Variants in NR1D1 observed in about 807,000 individuals in gnomAD.
The protein encoded by NR1D1 is Rev-ErbAalpha.
NR1D1 carries 17 observed loss-of-function variants against 51.1 expected under a neutral mutation model. The observed-to-expected ratio is 0.33, with a 90% CI of 0.23 to 0.50. NR1D1 has a LOEUF of 0.50. Among genes scored for constraint, NR1D1 ranks in the 20% least tolerant of loss-of-function variants. The pLI is 0.98. For missense variants in NR1D1, 647 were observed against 830.4 expected (o/e 0.78, Z 2.71); for synonymous variants, 341 against 333.4 (o/e 1.02, Z -0.25).
chr17:40,099,449 C>A (rs1297751110), intron 1 of NR1D1, among the ~76,000 whole-genome samples: 1 of 152,014 alleles, frequency 6.6e-6, no homozygotes, highest in African/African-American at 2.4e-5. Flanking sequence ...CACGTGGGCC[C>A]GGCTCTAGAG....
At position 40,094,059 on chromosome 17, in the gene NR1D1, G is replaced by A. The variant is rs775320929; in HGVS notation, c.1498C>T (p.Arg500Cys). 7 of 1,613,858 alleles carry A rather than the reference G, an allele frequency of 4.3e-6. No individual in the cohort carries two copies. Among genetic ancestry groups the A allele is most frequent in the African/African-American group, 2.7e-5 (2 of 74,898 alleles). Reference protein sequence around the residue: ...VKDQTVMFLSRTTYSLQELGA... With the variant: ...VKDQTVMFLSCTTYSLQELGA... The stretch of plus-strand genomic sequence containing the variant: ...AGCTCCTGCAGGCTGTAGGTGGTGC[G>A]GCTTAGGAACATCACTGTCTGGTCC... Residue 500 changes from arginine (R) to cysteine (C), a missense_variant, in exon 7 of 8, where the codon CGC becomes TGC. Arg to Cys is a radical substitution (Grantham distance 180). Coordinates refer to ENST00000246672, the MANE Select transcript of NR1D1 (RefSeq NM_021724.5).
chr17:40,100,472 A>G lies in NR1D1; in HGVS notation c.-378T>C. 1 of 457,536 alleles carries G rather than the reference A, an allele frequency of 2.2e-6. No homozygotes were observed. The highest frequency in any genetic ancestry group is 2.0e-5 in the African/African-American group (1 of 50,470). The allele number at this position is 457,536 out of a possible 1,614,324, so 28.3% of individuals were successfully genotyped here. A position where few individuals can be genotyped will look rare whatever the true frequency, so the allele number is the denominator to read the frequency against. ...CTGGAGCTCCCGGTGCAAAAGTCCCAGAGGAAGAGAGGTTGCAACCAGGAA... is the reference window on the plus strand; with the variant it reads ...CTGGAGCTCCCGGTGCAAAAGTCCCGGAGGAAGAGAGGTTGCAACCAGGAA... On this transcript the variant is annotated 5_prime_UTR_variant, in exon 1 of 8. Coordinates refer to ENST00000246672, the MANE Select transcript of NR1D1 (RefSeq NM_021724.5).
chr17:40,097,517 CA>C, intron 1 of NR1D1, 114 bp from the exon 2 acceptor site: 5 of 782,290 alleles, frequency 6.4e-6, no homozygotes, highest in Non-Finnish European at 1.1e-5. Context: ...CTCAGTTCAC[CA>C]TGTGGAGCCC....
Position 40,093,803 on chromosome 17 carries a change from T to C in NR1D1, c.1645+109A>G. On this transcript the variant is annotated intron_variant, in intron 7 of 7. Transcript: ENST00000246672. This position sits in a 1 kb window ranked among gnomAD's most constrained non-coding sequence, Gnocchi z 5.9. Reference sequence around the variant, plus strand: ...AGACTGTGTCTGAATCATGTCTGTATCCCCAGTGCCCGGTGCAGGGCCTGG... The same window carrying C: ...AGACTGTGTCTGAATCATGTCTGTACCCCCAGTGCCCGGTGCAGGGCCTGG... The C allele has an allele frequency of 2.2e-6, 2 of 929,116 alleles. No homozygotes were observed. Among genetic ancestry groups the C allele is most frequent in the East Asian group, 5.1e-5 (2 of 39,436 alleles). 57.6% of individuals were successfully genotyped at this position (929,116 alleles called of 1,614,324 possible).
chr17:40,094,841 T>G (rs1295225408), intron 6 of NR1D1, 94 bp downstream of exon 6: 1 of 1,179,854 alleles, frequency 8.5e-7, no homozygotes, highest in Non-Finnish European at 1.2e-6. Flanking sequence ...GAGGTTGCAG[T>G]GAGTGGAGAT....
chr17:40,096,674 CCCCCAGT>C lies in NR1D1; in HGVS notation c.459+10_459+16del, dbSNP rs1427215847. 20 of 1,613,986 alleles carry C rather than the reference CCCCCAGT, an allele frequency of 1.2e-5. No individual in the cohort carries two copies. Among genetic ancestry groups the C allele is most frequent in the African/African-American group, 2.7e-5 (2 of 74,934 alleles). On this transcript the variant is annotated intron_variant, in intron 3 of 7. Coordinates refer to ENST00000246672, the MANE Select transcript of NR1D1 (RefSeq NM_021724.5). The stretch of plus-strand genomic sequence containing the variant: ...AGGGGGCCACCTGCCCCTGCCCTTA[CCCCCAGT>C]CCGCCTCACCTTGCAGCCCTCGCAG...
rs1375568543 is a variant in NR1D1, at chr17:40,092,986, A to T, written c.*97T>A. ...AATATTTTATAACAATATAAATAAG[A>T]TTCTGGTTTGCTTTTCCTTTTCGTC... On this transcript the variant is annotated 3_prime_UTR_variant, in exon 8 of 8. Coordinates refer to ENST00000246672, the MANE Select transcript of NR1D1 (RefSeq NM_021724.5). 1 of 1,596,292 alleles carries T rather than the reference A, an allele frequency of 6.3e-7. No homozygotes were observed. The highest frequency in any genetic ancestry group is 8.6e-7 in the Non-Finnish European group (1 of 1,167,784).
chr17:40,098,595 G>C (rs1214608484), intron 1 of NR1D1, among the ~76,000 whole-genome samples: 1 of 152,188 alleles, frequency 6.6e-6, no homozygotes, highest in Non-Finnish European at 1.5e-5. Flanking sequence ...GCATACTCAA[G>C]AGTCTAGGTC....
Position 40,096,569 on chromosome 17 carries a change from T to A in NR1D1, c.478A>T (p.Ile160Phe). 1 of 1,614,198 alleles carries A rather than the reference T, an allele frequency of 6.2e-7. No homozygotes were observed. The highest frequency in any genetic ancestry group is 8.5e-7 in the Non-Finnish European group (1 of 1,180,016). Reference protein sequence around the residue: ...EGCKGFFRRSIQQNIQYKRCL... With the variant: ...EGCKGFFRRSFQQNIQYKRCL... ...CTTTTGTACTGGATGTTCTGCTGGA[T>A]GCTCCGACGGAAAAAGCCCTGGAGG... The change falls in exon 4 of 8, where the codon ATC becomes TTC. Residue 160 changes from isoleucine to phenylalanine, a missense_variant. By Grantham distance (21) the Ile-to-Phe change is conservative. Transcript: ENST00000246672.
At position 40,093,449 on chromosome 17, in the gene NR1D1, G is replaced by A. The variant is rs1038783288; in HGVS notation, c.1646-167C>T. The stretch of plus-strand genomic sequence containing the variant: ...ACCTTCTCCCAGGCCTCTGCCCCAA[G>A]AGCAGGAGGTGCCTGAAAGCTGGGA... On this transcript the variant is annotated intron_variant, in intron 7 of 7. Transcript: ENST00000246672. This position sits in a 1 kb window ranked among gnomAD's most constrained non-coding sequence, Gnocchi z 5.9. The A allele has an allele frequency of 1.3e-5, 19 of 1,519,480 alleles. 1 individual carries two copies. The African/African-American group carries it at 1.8e-4, about 14-fold the overall frequency. The allele number at this position is 1,519,480 out of a possible 1,614,324, so 94.1% of individuals were successfully genotyped here.
At chr17:40,098,328 T>C (rs1323668792) in intron 1 of NR1D1, among the ~76,000 whole-genome samples, 1 of 152,204 alleles carries the variant, frequency 6.6e-6, no homozygotes, top group Non-Finnish European at 1.5e-5. Context: ...CATGCCACTG[T>C]GTCTGCAGAG....
At position 40,096,017 on chromosome 17, in the gene NR1D1, G is replaced by A. The variant is rs780834142; in HGVS notation, c.675C>T (p.Asn225=). 6.2e-7 allele frequency: 1 copy of A among 1,612,764 alleles called. No individual in the cohort carries two copies. Among genetic ancestry groups the A allele is most frequent in the Non-Finnish European group, 8.5e-7 (1 of 1,180,000 alleles). ...GGCTGCTCAACTGGTTGTTGGCCAG[G>A]TTCATGGCACTCTGCATCTCAGCAA... is the stretch of plus-strand genomic sequence containing the variant. ...RMLAEMQSAM[N]LANNQLSSQC... is the part of the protein sequence containing the mutation. The change falls in exon 5 of 8, where the codon AAC becomes AAT. Residue 225 remains asparagine, a synonymous_variant. Transcript: ENST00000246672.
Position 40,100,434 on chromosome 17 carries a change from CG to C in NR1D1, c.-341del. On this transcript the variant is annotated 5_prime_UTR_variant, in exon 1 of 8. Coordinates refer to ENST00000246672, the MANE Select transcript of NR1D1 (RefSeq NM_021724.5). ...TCTGCCTGCCGGCTCCGCAGCGCTG[CG>C]GGGTGGCGAATCTGGAGCTCCCGGT... 2.2e-6 allele frequency: 1 copy of C among 461,740 alleles called. No individual in the cohort carries two copies. 28.6% of individuals were successfully genotyped at this position (461,740 alleles called of 1,614,324 possible).
At chr17:40,094,393 G>C (rs1987703477) in intron 6 of NR1D1, among the ~76,000 whole-genome samples, 1 of 152,216 alleles carries the variant, frequency 6.6e-6, no homozygotes, top group Admixed American at 6.5e-5. Context: ...GGGGGCAGCA[G>C]TGCACCCAAG....
intron 6 of NR1D1, among the ~76,000 whole-genome samples, chr17:40,094,511 G>A (rs902569712): frequency 8.5e-5 from 13 of 152,218 alleles, no homozygotes; most frequent in Non-Finnish European, 1.5e-4. Context: ...CACCAATCAG[G>A]CTATAAGGAC....
intron 1 of NR1D1, among the ~76,000 whole-genome samples, chr17:40,097,970 C>T (rs1003233486): frequency 6.6e-6 from 1 of 152,208 alleles, no homozygotes; most frequent in African/African-American, 2.4e-5. Flanking sequence ...ATCTGCCCAG[C>T]CTGGTTCCCC....
rs1290548021 is a variant in NR1D1, at chr17:40,097,151, T to C, written c.284A>G (p.Tyr95Cys). 1.9e-6 allele frequency: 3 copies of C among 1,611,520 alleles called. No individual in the cohort carries two copies. Among genetic ancestry groups the C allele is most frequent in the African/African-American group, 1.3e-5 (1 of 74,930 alleles). Residue 95 changes from tyrosine to cysteine, a missense_variant, in exon 2 of 8, where the codon TAT (tyrosine) becomes TGT (cysteine). Physicochemically the swap from Tyr to Cys is radical, Grantham distance 194. Coordinates refer to ENST00000246672, the MANE Select transcript of NR1D1 (RefSeq NM_021724.5). ...TAGACTCCCAGGGGGGCTCCCATTA[T>C]AGAAGGAGGAGGAGGATGACGACGA... The part of the protein sequence containing the change: ...SSSSSSSSSF[Y>C]NGSPPGSLQV...
chr17:40,096,372 T>C, intron 4 of NR1D1, 71 bp downstream of exon 4: 2 of 1,606,648 alleles, frequency 1.2e-6, no homozygotes, highest in Non-Finnish European at 1.7e-6. Context: ...TTTGTGACTT[T>C]TTTAAAGGGA....
chr17:40,096,669 C>T (rs1405763897), intron 3 of NR1D1, 22 bp downstream of exon 3: 8 of 1,614,100 alleles, frequency 5.0e-6, no homozygotes, highest in Non-Finnish European at 6.8e-6. Flanking sequence ...CTGCCCCTGC[C>T]CTTACCCCCA....
Sources: gnomAD v4.1 joint callset for allele counts (sites outside exome capture counted in the v4.1 genomes callset) on GRCh38, gnomAD v4.1.1 for gene constraint, Gnocchi (gnomAD v3.1) non-coding constraint, MANE v1.5 for transcripts, NCBI Gene and HGNC (gene_info 2026-07-23, HGNC 2026-07-21) for gene names.